Variants in PRKCA observed in about 807,000 individuals in gnomAD.
PRKCA encodes the protein protein kinase C alpha type.
In PRKCA, 27 loss-of-function variants were observed where a neutral mutation model predicts 87.0. The observed-to-expected ratio is 0.31, with a 90% confidence interval of 0.23 to 0.43. PRKCA has a LOEUF of 0.43. Ranked by LOEUF, PRKCA falls within the 20% of genes least tolerant of loss-of-function variation. PRKCA has a pLI of 1.00. For synonymous variants in PRKCA, 329 were observed against 311.1 expected, an observed-to-expected ratio of 1.06 and a Z score of -0.61; for missense variants, 518 against 852.3, an observed-to-expected ratio of 0.61 and a Z score of 4.88.
intron 16 of PRKCA, among the ~76,000 whole-genome samples, chr17:66,800,260 G>A (rs189160532): frequency 2.6e-5 from 4 of 152,370 alleles, no homozygotes; most frequent in African/African-American, 9.6e-5. Context: ...AGAAGAGGAA[G>A]GTGTTTCCAG....
intron 2 of PRKCA, among the ~76,000 whole-genome samples, chr17:66,321,480 T>A (rs1598589382): frequency 6.6e-6 from 1 of 152,218 alleles, no homozygotes; most frequent in African/African-American, 2.4e-5. Flanking sequence ...TGTTCCTTTG[T>A]GCCTGCTATA....
chr17:66,727,646 T>C (rs1336474817), intron 8 of PRKCA, among the ~76,000 whole-genome samples: 1 of 151,762 alleles, frequency 6.6e-6, no homozygotes, highest in Non-Finnish European at 1.5e-5. Flanking sequence ...TGGAATTTTC[T>C]GTTCTCCTGC....
At chr17:66,359,073 A>G (rs1400569361) in intron 2 of PRKCA, among the ~76,000 whole-genome samples, 1 of 152,156 alleles carries the variant, frequency 6.6e-6, no homozygotes, top group Non-Finnish European at 1.5e-5. Flanking sequence ...AGCTGAGGTC[A>G]TGTTAAAACC....
At chr17:66,503,151 C>T (rs994423666) in intron 3 of PRKCA, among the ~76,000 whole-genome samples, 3 of 152,104 alleles carry the variant, frequency 2.0e-5, no homozygotes, top group African/African-American at 7.2e-5. Context: ...TGTTAAAAGG[C>T]TTCAAGCGTC....
chr17:66,483,941 C>T (rs919302874), intron 2 of PRKCA, among the ~76,000 whole-genome samples: 1 of 151,858 alleles, frequency 6.6e-6, no homozygotes, highest in South Asian at 2.1e-4. Context: ...TGTATTAGTC[C>T]GTTTTCATGC....
intron 2 of PRKCA, among the ~76,000 whole-genome samples, chr17:66,404,385 G>A (rs992333000): frequency 4.6e-5 from 7 of 152,284 alleles, no homozygotes; most frequent in East Asian, 1.9e-4. Flanking sequence ...TGGGGGCGGC[G>A]GAGGGGAAAG....
At chr17:66,596,158 G>A (rs1389695232) in intron 3 of PRKCA, among the ~76,000 whole-genome samples, 1 of 152,154 alleles carries the variant, frequency 6.6e-6, no homozygotes, top group African/African-American at 2.4e-5. Context: ...TGGTTGTGGT[G>A]CCTGTCATTC....
intron 2 of PRKCA, among the ~76,000 whole-genome samples, chr17:66,449,213 C>T (rs1314926478): frequency 6.6e-6 from 1 of 152,006 alleles, no homozygotes; most frequent in Non-Finnish European, 1.5e-5. Flanking sequence ...TGCTTGAGCC[C>T]AGGAGATGGA....
chr17:66,487,916 T>C (rs74819892), intron 2 of PRKCA, among the ~76,000 whole-genome samples: 1,936 of 152,304 alleles, frequency 0.013, 14 homozygotes, highest in South Asian at 0.039. Flanking sequence ...CTTCACTTTG[T>C]TTCCTTTGCT....
intron 3 of PRKCA, among the ~76,000 whole-genome samples, chr17:66,635,651 G>A (rs953843640): frequency 1.3e-5 from 2 of 152,180 alleles, no homozygotes; most frequent in South Asian, 4.1e-4. Context: ...TTCCTTTGGT[G>A]CTGTTCTACT....
chr17:66,558,795 T>C (rs1598767978), intron 3 of PRKCA, among the ~76,000 whole-genome samples: 1 of 151,800 alleles, frequency 6.6e-6, no homozygotes, highest in African/African-American at 2.4e-5. Flanking sequence ...GCAGCTGGGG[T>C]GGTGGCAGCG....
At chr17:66,629,624 C>CT (rs1970955534) in intron 3 of PRKCA, among the ~76,000 whole-genome samples, 1 of 152,154 alleles carries the variant, frequency 6.6e-6, no homozygotes, top group Non-Finnish European at 1.5e-5. Context: ...TTTTACGTTC[C>CT]TTTCCAACTA....
intron 2 of PRKCA, among the ~76,000 whole-genome samples, chr17:66,441,548 T>C (rs1913758486): frequency 6.6e-6 from 1 of 152,162 alleles, no homozygotes; most frequent in Middle Eastern, 3.2e-3. Flanking sequence ...TTTTTGTACA[T>C]CTTCATACGA....
intron 10 of PRKCA, among the ~76,000 whole-genome samples, chr17:66,737,748 C>G (rs1298745297): frequency 1.3e-5 from 2 of 152,230 alleles, no homozygotes; most frequent in Non-Finnish European, 2.9e-5. Flanking sequence ...CAAGTCACGC[C>G]AGGGAGAGAT....
rs114834028 is a variant in PRKCA at position 66,389,405 on chromosome 17, G to A, written c.205+83278G>A. On this transcript the variant is annotated intron_variant, in intron 2 of 16. Coordinates refer to ENST00000413366, the MANE Select transcript of PRKCA (RefSeq NM_002737.3). Reference sequence around the variant, plus strand: ...CTGACCGCAGCTAGACTCCTGGGGGGTCTCTAGCTCTGTGACCAGAGTGGC... The same window carrying A: ...CTGACCGCAGCTAGACTCCTGGGGGATCTCTAGCTCTGTGACCAGAGTGGC... Among the ~76,000 whole-genome samples, 581 of 152,318 alleles carry A rather than the reference G, an allele frequency of 3.8e-3. 3 individuals carry two copies. Among genetic ancestry groups the A allele is most frequent in the African/African-American group, 0.013 (559 of 41,576 alleles).
chr17:66,508,160 A>G (rs968807693), intron 3 of PRKCA, among the ~76,000 whole-genome samples: 29 of 152,248 alleles, frequency 1.9e-4, no homozygotes, highest in African/African-American at 3.9e-4. Flanking sequence ...ATGTTGTACC[A>G]GAAGCTGGGA....
intron 2 of PRKCA, among the ~76,000 whole-genome samples, chr17:66,385,967 C>T (rs987978154): frequency 1.3e-5 from 2 of 152,118 alleles, no homozygotes; most frequent in African/African-American, 2.4e-5. Context: ...GCCATGTTGG[C>T]CAGACTGGTC....
At chr17:66,663,980 G>T (rs886675219) in intron 5 of PRKCA, among the ~76,000 whole-genome samples, 3 of 151,732 alleles carry the variant, frequency 2.0e-5, no homozygotes, top group Non-Finnish European at 4.4e-5. Context: ...TGATTCTCGT[G>T]GCTCAGCCTC....
At chr17:66,534,866 A>G (rs1365572845) in intron 3 of PRKCA, among the ~76,000 whole-genome samples, 1 of 152,134 alleles carries the variant, frequency 6.6e-6, no homozygotes, top group Non-Finnish European at 1.5e-5. Context: ...TAGGCTGTCT[A>G]GTGTCATATG....
Sources: gnomAD v4.1 joint callset for allele counts (sites outside exome capture counted in the v4.1 genomes callset) on GRCh38, gnomAD v4.1.1 for gene constraint, MANE v1.5 for transcripts, NCBI Gene and HGNC (gene_info 2026-07-23, HGNC 2026-07-21) for gene names.